BACH2: variants seen among roughly 807,000 people sequenced by gnomAD.
BACH2 encodes the protein BACH transcriptional regulator 2, also known as transcription regulator protein BACH2.
A neutral mutation model predicts 61.8 loss-of-function variants in BACH2; 5 were observed. The ratio of observed to expected loss-of-function variants is 0.08; its 90% CI spans 0.04 to 0.17. The LOEUF is 0.17. BACH2 is among the 10% of genes least tolerant of loss of function. The pLI, the probability that BACH2 is intolerant of heterozygous loss-of-function variation, is 1.00. For missense variants in BACH2, 824 were observed against 1,091.1 expected (o/e 0.76, Z 3.45); for synonymous variants, 446 against 440.1 (o/e 1.01, Z -0.17).
At chr6:90,095,604 T>G (rs1782349885) in intron 4 of BACH2, among the ~76,000 whole-genome samples, 1 of 152,160 alleles carries the variant, frequency 6.6e-6, no homozygotes, top group Non-Finnish European at 1.5e-5. Flanking sequence ...AAAAGGATGG[T>G]GCAGGCAGAA....
intron 4 of BACH2, among the ~76,000 whole-genome samples, chr6:90,124,106 CA>C (rs1355634425): frequency 1.3e-5 from 2 of 152,126 alleles, no homozygotes; most frequent in Non-Finnish European, 2.9e-5. Context: ...CAAAGTCTCC[CA>C]TGTGATTCTA....
At chr6:90,092,291 A>AAAAAAAAAAAAAAAAT in intron 4 of BACH2, among the ~76,000 whole-genome samples, 1 of 113,836 alleles carries the variant, frequency 8.8e-6, no homozygotes, top group African/African-American at 3.6e-5. Context: ...AAAAAAAAAA[A>AAAAAAAAAAAAAAAAT]ATATATATAT....
At chr6:90,023,584 A>C (rs1778491448) in intron 5 of BACH2, among the ~76,000 whole-genome samples, 1 of 152,268 alleles carries the variant, frequency 6.6e-6, no homozygotes, top group East Asian at 1.9e-4. Context: ...GTATTTCTTT[A>C]TAGCAGTGTG....
At position 90,008,477 on chromosome 6, in the gene BACH2, T is replaced by A; in HGVS notation, c.243+125A>T. ...AACTGACTATGCCACAGACCTAACA[T>A]GTGACTTGGACATCAACTCCTGAGT... On this transcript the variant is annotated intron_variant, in intron 6 of 8. Transcript: ENST00000257749. The surrounding 1 kb of genome is among the most constrained non-coding windows in gnomAD (Gnocchi z 4.1). The A allele has an allele frequency of 8.4e-7, 1 of 1,191,796 alleles. No homozygotes were observed. The highest frequency in any genetic ancestry group is 1.2e-6 in the Non-Finnish European group (1 of 840,210). 73.8% of individuals were successfully genotyped at this position (1,191,796 alleles called of 1,614,324 possible).
At chr6:90,182,680 C>G (rs2501716) in intron 4 of BACH2, among the ~76,000 whole-genome samples, 99,124 of 152,040 alleles carry the variant, frequency 0.65, 33,576 homozygotes, top group African/African-American at 0.84. Flanking sequence ...GTAAATAAGT[C>G]ATAGGTCCAA....
intron 4 of BACH2, among the ~76,000 whole-genome samples, chr6:90,158,770 G>GC (rs968054776): frequency 6.7e-6 from 1 of 150,154 alleles, no homozygotes; most frequent in Admixed American, 6.7e-5. Context: ...TTTGGTGGGG[G>GC]GGGGGCACTT....
intron 3 of BACH2, among the ~76,000 whole-genome samples, chr6:90,214,771 T>TTG (rs1562508758): frequency 7.0e-6 from 1 of 141,922 alleles, no homozygotes; most frequent in African/African-American, 2.7e-5. Context: ...TTTTTTTTTT[T>TTG]TTTTTTCTGA....
intron 5 of BACH2, among the ~76,000 whole-genome samples, chr6:90,052,083 T>C (rs182258202): frequency 4.5e-4 from 68 of 152,286 alleles, no homozygotes; most frequent in Non-Finnish European, 9.0e-4. Context: ...TGGAAATCTG[T>C]TGAGACTTGT....
At chr6:90,101,524 C>T (rs1782627179) in intron 4 of BACH2, among the ~76,000 whole-genome samples, 2 of 152,062 alleles carry the variant, frequency 1.3e-5, no homozygotes, top group African/African-American at 4.8e-5. Context: ...TTCTGGAACC[C>T]TTGTTGAAAA....
chr6:89,947,652 G>A lies in BACH2; in HGVS notation c.1836+2618C>T, dbSNP rs182652318. Among the ~76,000 whole-genome samples the A allele has an allele frequency of 8.1e-4, 122 of 151,174 alleles. 1 individual carries two copies. The highest frequency in any genetic ancestry group is 2.6e-3 in the African/African-American group (108 of 41,186). On this transcript the variant is annotated intron_variant, in intron 7 of 8. Coordinates refer to ENST00000257749, the MANE Select transcript of BACH2 (RefSeq NM_021813.4). Reference sequence around the variant, plus strand: ...GCGATCTCGGCTCACTGCAAGCTCCGCCTCCCGGGCTCACGCCATTCTCCT... The same window carrying A: ...GCGATCTCGGCTCACTGCAAGCTCCACCTCCCGGGCTCACGCCATTCTCCT...
intron 5 of BACH2, among the ~76,000 whole-genome samples, chr6:90,013,630 C>T (rs375855787): frequency 1.3e-5 from 2 of 151,856 alleles, no homozygotes; most frequent in Non-Finnish European, 2.9e-5. Flanking sequence ...CCTCAGCCTC[C>T]CAAGTAGCTG....
At chr6:90,030,984 C>G (rs1407153779) in intron 5 of BACH2, among the ~76,000 whole-genome samples, 1 of 120,726 alleles carries the variant, frequency 8.3e-6, no homozygotes, top group Non-Finnish European at 1.6e-5. Flanking sequence ...AATCCAGCAG[C>G]ACATCAAAAA....
chr6:90,200,701 AAAAG>A, intron 4 of BACH2, among the ~76,000 whole-genome samples: 1 of 152,346 alleles, frequency 6.6e-6, no homozygotes, highest in Admixed American at 6.5e-5. Context: ...TATTTTTTAA[AAAAG>A]AAAGAAAGGT....
At chr6:89,980,902 GT>G (rs11287444) in intron 6 of BACH2, among the ~76,000 whole-genome samples, 68,587 of 147,184 alleles carry the variant, frequency 0.47, 15,681 homozygotes, top group Admixed American at 0.5. Flanking sequence ...TTAATTTTCA[GT>G]TTTTTTTTTT....
chr6:90,109,456 G>A (rs1168411007), intron 4 of BACH2, among the ~76,000 whole-genome samples: 2 of 151,954 alleles, frequency 1.3e-5, no homozygotes, highest in East Asian at 1.9e-4. Context: ...CTCCATCCAC[G>A]GACTTTCTCT....
chr6:90,148,841 A>C (rs1420864494), intron 4 of BACH2, among the ~76,000 whole-genome samples: 5 of 152,182 alleles, frequency 3.3e-5, no homozygotes, highest in Admixed American at 3.3e-4. Context: ...ATAAAGAGAA[A>C]AATCAGTAAT....
At chr6:90,296,144 T>A (rs192342119) in intron 1 of BACH2, among the ~76,000 whole-genome samples, 3 of 151,934 alleles carry the variant, frequency 2.0e-5, no homozygotes, top group South Asian at 2.1e-4. Flanking sequence ...ATGCCTGACT[T>A]ATTACTCTCT....
chr6:90,030,437 C>T (rs1778907098), intron 5 of BACH2, among the ~76,000 whole-genome samples: 1 of 151,944 alleles, frequency 6.6e-6, no homozygotes, highest in South Asian at 2.1e-4. Flanking sequence ...AAAAGATCAA[C>T]AACATTGATA....
chr6:90,251,806 T>A (rs1215428567), intron 3 of BACH2, among the ~76,000 whole-genome samples: 2 of 152,154 alleles, frequency 1.3e-5, no homozygotes, highest in Non-Finnish European at 2.9e-5. Flanking sequence ...TTAATTTTGT[T>A]TTATAGTTTG....
Sources: gnomAD v4.1 joint callset for allele counts (sites outside exome capture counted in the v4.1 genomes callset) on GRCh38, gnomAD v4.1.1 for gene constraint, Gnocchi (gnomAD v3.1) non-coding constraint, MANE v1.5 for transcripts, NCBI Gene and HGNC (gene_info 2026-07-23, HGNC 2026-07-21) for gene names.